ME2: variants seen among roughly 807,000 people sequenced by gnomAD.
The protein encoded by ME2 is NAD-dependent malic enzyme, mitochondrial.
ME2 carries 60 observed loss-of-function variants against 73.7 expected under a neutral mutation model. The ratio of observed to expected loss-of-function variants is 0.81; its 90% CI spans 0.66 to 1.01. The LOEUF is 1.01. ME2 is among the 50% of genes least tolerant of loss of function. The probability of loss-of-function intolerance (pLI) is 0.00; values close to 1 mark genes in which losing one functional copy is unlikely to be tolerated. For missense variants in ME2, 594 were observed against 705.5 expected (o/e 0.84, Z 1.79); for synonymous variants, 199 against 236.9 (o/e 0.84, Z 1.47).
intron 15 of ME2, 67 bp from the exon 16 acceptor site, chr18:50,946,947 TATA>T: frequency 8.9e-7 from 1 of 1,117,608 alleles, no homozygotes; most frequent in Non-Finnish European, 1.3e-6. Context: ...TTTCCTGTGT[TATA>T]ATAGTACGTT....
At chr18:50,882,258 C>A (rs1390178905) in intron 1 of ME2, among the ~76,000 whole-genome samples, 1 of 152,190 alleles carries the variant, frequency 6.6e-6, no homozygotes, top group Non-Finnish European at 1.5e-5. Context: ...CTTGGCCTCC[C>A]AAAGTGCTGG....
rs1295071233 is a variant in ME2 at position 50,949,674 on chromosome 18, G to A, written c.*2490G>A. The A allele has an allele frequency of 6.6e-6, 1 of 152,148 alleles. No homozygotes were observed. Among genetic ancestry groups the A allele is most frequent in the Non-Finnish European group, 1.5e-5 (1 of 68,024 alleles). 9.4% of individuals were successfully genotyped at this position (152,148 alleles called of 1,614,324 possible). A position where few individuals can be genotyped will look rare whatever the true frequency, so the allele number is the denominator to read the frequency against. ...TGCTGAATTAAAGTAATTTTACTAC[G>A]AAGTTTGCTTATTAAGTATGCCTGG... On this transcript the variant is annotated 3_prime_UTR_variant, in exon 16 of 16. Coordinates refer to ENST00000321341, the MANE Select transcript of ME2 (RefSeq NM_002396.5).
intron 2 of ME2, 42 bp from the exon 3 acceptor site, chr18:50,908,021 C>A: frequency 1.5e-6 from 2 of 1,346,248 alleles, no homozygotes; most frequent in Non-Finnish European, 2.0e-6. Context: ...ATTGCTACCC[C>A]AGTAAGTAAT....
rs144312554 is a variant in ME2, at chr18:50,886,444, A to G, written c.-13+7136A>G. On this transcript the variant is annotated intron_variant, in intron 1 of 15. Transcript: ENST00000321341. The stretch of plus-strand genomic sequence containing the variant: ...TTTTTAGGAGAGATGGGGTTTCACC[A>G]TGTTGGCTAGGCTGGTCTTGAACTC... 4.1e-3 allele frequency among the ~76,000 whole-genome samples: 616 copies of G among 152,040 alleles called. 10 individuals carry two copies. The East Asian group carries it at 0.064, about 16-fold the overall frequency.
rs1452712173 is a variant in ME2 at position 50,951,063 on chromosome 18, AG to A, written c.*3880del. ...ATTTTTCTGAAAACATAAAAACTAGAGTACTCTTTAATTCTAAATTATAGAT... is the reference window on the plus strand; with the variant it reads ...ATTTTTCTGAAAACATAAAAACTAGATACTCTTTAATTCTAAATTATAGAT... On this transcript the variant is annotated 3_prime_UTR_variant, in exon 16 of 16. Coordinates refer to ENST00000321341, the MANE Select transcript of ME2 (RefSeq NM_002396.5). The A allele has an allele frequency of 2.0e-5, 3 of 152,222 alleles. No homozygotes were observed. Among genetic ancestry groups the A allele is most frequent in the African/African-American group, 7.2e-5 (3 of 41,454 alleles). The allele number at this position is 152,222 out of a possible 1,614,324, so 9.4% of individuals were successfully genotyped here.
At chr18:50,891,744 T>C (rs2144189778) in intron 1 of ME2, among the ~76,000 whole-genome samples, 1 of 152,168 alleles carries the variant, frequency 6.6e-6, no homozygotes, top group African/African-American at 2.4e-5. Flanking sequence ...TCACACAAAT[T>C]TGTGGGGGGC....
intron 1 of ME2, among the ~76,000 whole-genome samples, chr18:50,881,686 C>T (rs1916328103): frequency 6.6e-6 from 1 of 152,040 alleles, no homozygotes; most frequent in Admixed American, 6.6e-5. Flanking sequence ...CATGATTATC[C>T]TTATAGCCTC....
Position 50,911,103 on chromosome 18 carries a change from G to C in ME2, c.243-1698G>C, listed in dbSNP as rs4940027. ...CAGAAGACTGACTAAAGTGAAATAA[G>C]GATTGAAAGTGGTAACATTGAGGAG... On this transcript the variant is annotated intron_variant, in intron 3 of 15. Transcript: ENST00000321341. 4.4e-3 allele frequency among the ~76,000 whole-genome samples: 665 copies of C among 152,300 alleles called. 10 individuals are homozygous for C. The East Asian group carries it at 0.065, about 15-fold the overall frequency.
intron 15 of ME2, among the ~76,000 whole-genome samples, chr18:50,942,893 C>T (rs1917996670): frequency 6.6e-6 from 1 of 151,700 alleles, no homozygotes; most frequent in South Asian, 2.1e-4. Context: ...TATGCATAGT[C>T]CGTTTTTCTC....
In ME2 at chr18:50,901,130, T is replaced by C. The variant is rs116379609; in HGVS notation, c.108+5202T>C. 3.3e-3 allele frequency among the ~76,000 whole-genome samples: 506 copies of C among 152,352 alleles called. 4 individuals are homozygous for C. Among genetic ancestry groups the C allele is most frequent in the African/African-American group, 9.5e-3 (394 of 41,580 alleles). ...TTTGCCCTTTTAGTGCAATTTCATC[T>C]CAATTAACACATTTTCAGAAGTCTA... On this transcript the variant is annotated intron_variant, in intron 2 of 15. Coordinates refer to ENST00000321341, the MANE Select transcript of ME2 (RefSeq NM_002396.5).
intron 15 of ME2, among the ~76,000 whole-genome samples, chr18:50,946,815 G>T (rs946241317): frequency 7.9e-5 from 12 of 152,164 alleles, no homozygotes; most frequent in African/African-American, 2.9e-4. Context: ...TGACACAGTA[G>T]AACTTAAATG....
chr18:50,890,863 G>T (rs769484721), intron 1 of ME2, among the ~76,000 whole-genome samples: 3 of 152,124 alleles, frequency 2.0e-5, no homozygotes, highest in African/African-American at 7.2e-5. Context: ...TTACGACTAC[G>T]TCTGGAGGAC....
At chr18:50,933,325 C>G (rs1274169497) in intron 13 of ME2, 1 of 152,168 alleles carries the variant, frequency 6.6e-6, no homozygotes, top group Non-Finnish European at 1.5e-5. Flanking sequence ...CTTTCCCTGA[C>G]TAGCTGACAG....
chr18:50,946,880 C>G (rs1250672630), intron 15 of ME2, 137 bp from the exon 16 acceptor site: 2 of 696,774 alleles, frequency 2.9e-6, no homozygotes, highest in Non-Finnish European at 5.0e-6. Context: ...TGAAAGGAGT[C>G]AAAGCAATGT....
At chr18:50,918,237 A>G in intron 7 of ME2, 24 bp downstream of exon 7, 2 of 1,528,302 alleles carry the variant, frequency 1.3e-6, no homozygotes, top group Admixed American at 1.7e-5. Flanking sequence ...GTTTGAGTAT[A>G]TGAAAGCACC....
At chr18:50,927,222 T>C (rs930068195) in intron 12 of ME2, among the ~76,000 whole-genome samples, 3 of 152,174 alleles carry the variant, frequency 2.0e-5, no homozygotes, top group Admixed American at 6.5e-5. Flanking sequence ...TCTAAGTGGC[T>C]CTAGGAAGTG....
chr18:50,924,422 G>A (rs1286802075), intron 11 of ME2, among the ~76,000 whole-genome samples: 1 of 150,466 alleles, frequency 6.6e-6, no homozygotes, highest in East Asian at 1.9e-4. Flanking sequence ...CTGTGTAGTC[G>A]ATCATGATTT....
chr18:50,912,093 G>A (rs1917171770), intron 3 of ME2, among the ~76,000 whole-genome samples: 1 of 152,170 alleles, frequency 6.6e-6, no homozygotes, highest in African/African-American at 2.4e-5. Flanking sequence ...ATCAAGAATG[G>A]AATCTGGGTT....
rs577267936 is a variant in ME2, at chr18:50,890,204, T to G, written c.-12-5605T>G. Among the ~76,000 whole-genome samples the G allele has an allele frequency of 2.0e-5, 3 of 152,252 alleles. No individual in the cohort carries two copies. In the South Asian group the frequency reaches 6.2e-4, roughly 32 times the overall value. ...TTACTCAAAAGGCAAACTATAATAT[T>G]TTGTTATTTTTTATTAATACTACAC... On this transcript the variant is annotated intron_variant, in intron 1 of 15. Transcript: ENST00000321341.
Sources: gnomAD v4.1 joint callset for allele counts (sites outside exome capture counted in the v4.1 genomes callset) on GRCh38, gnomAD v4.1.1 for gene constraint, MANE v1.5 for transcripts, NCBI Gene and HGNC (gene_info 2026-07-23, HGNC 2026-07-21) for gene names.